The following SNX29 variants were observed in gnomAD, a reference collection of about 807,000 sequenced individuals.
SNX29 encodes sorting nexin-29.
A neutral mutation model predicts 102.1 loss-of-function variants in SNX29; 78 were observed. The observed-to-expected ratio is 0.76, with a 90% CI of 0.64 to 0.92. The LOEUF is 0.92. Among genes scored for constraint, SNX29 ranks in the 40% least tolerant of loss-of-function variants. The pLI, the probability that SNX29 is intolerant of heterozygous loss-of-function variation, is 0.00. For missense variants in SNX29, 1,280 were observed against 1,061.7 expected (o/e 1.21, Z -2.86); for synonymous variants, 580 against 414.5 (o/e 1.40, Z -4.85).
At chr16:12,442,295 C>CA (rs2085842858) in intron 18 of SNX29, among the ~76,000 whole-genome samples, 1 of 152,210 alleles carries the variant, frequency 6.6e-6, no homozygotes, top group Non-Finnish European at 1.5e-5. Context: ...GTCCTTCTGA[C>CA]AGTGTCACTC....
chr16:12,150,106 T>C (rs1326688548), intron 13 of SNX29, among the ~76,000 whole-genome samples: 3 of 152,130 alleles, frequency 2.0e-5, no homozygotes, highest in Non-Finnish European at 4.4e-5. Context: ...CTGTGGATAG[T>C]GGGCAACTAT....
At chr16:12,504,288 C>A (rs1418218438) in intron 19 of SNX29, among the ~76,000 whole-genome samples, 1 of 152,154 alleles carries the variant, frequency 6.6e-6, no homozygotes, top group Non-Finnish European at 1.5e-5. Flanking sequence ...TTTAAAGTCT[C>A]AAATTCAGTG....
At chr16:12,267,605 C>T (rs548545032) in intron 14 of SNX29, among the ~76,000 whole-genome samples, 1 of 152,298 alleles carries the variant, frequency 6.6e-6, no homozygotes, top group South Asian at 2.1e-4. Flanking sequence ...CCTCATCCTG[C>T]AGGAGCAGCC....
chr16:12,068,565 A>G (rs11641533), intron 9 of SNX29, among the ~76,000 whole-genome samples: 48,198 of 150,954 alleles, frequency 0.32, 7,788 homozygotes, highest in African/African-American at 0.38. Flanking sequence ...AAAATTTTTA[A>G]TGGAGCTTCG....
Position 12,449,803 on chromosome 16 carries a change from C to T in SNX29, c.2038-27916C>T, listed in dbSNP as rs149283070. On this transcript the variant is annotated intron_variant, in intron 18 of 20. Coordinates refer to ENST00000566228, the MANE Select transcript of SNX29 (RefSeq NM_032167.5). ...TTTCCTAAATCCCATTGCTGAAATC[C>T]CTGTCTTTGGTCACAGATGGTGGTG... Among the ~76,000 whole-genome samples the T allele has an allele frequency of 3.0e-3, 451 of 152,294 alleles. 5 individuals carry two copies. Among genetic ancestry groups the T allele is most frequent in the South Asian group, 4.4e-3 (21 of 4,820 alleles).
intron 3 of SNX29, among the ~76,000 whole-genome samples, chr16:12,003,522 T>C (rs1169567316): frequency 6.6e-6 from 1 of 152,196 alleles, no homozygotes. Context: ...AAGGCATATG[T>C]TATAACAAGA....
At chr16:12,443,527 A>C (rs780270568) in intron 18 of SNX29, among the ~76,000 whole-genome samples, 3 of 152,056 alleles carry the variant, frequency 2.0e-5, no homozygotes, top group Admixed American at 6.5e-5. Context: ...ATCTTGGTTC[A>C]CTACAATCTC....
At chr16:12,482,358 G>T (rs1294473282) in intron 19 of SNX29, among the ~76,000 whole-genome samples, 1 of 151,078 alleles carries the variant, frequency 6.6e-6, no homozygotes, top group Non-Finnish European at 1.5e-5. Flanking sequence ...CTAGAGTTCT[G>T]TGATGCAATT....
At chr16:12,314,280 T>A (rs1420936901) in intron 15 of SNX29, among the ~76,000 whole-genome samples, 1 of 152,292 alleles carries the variant, frequency 6.6e-6, no homozygotes, top group East Asian at 1.9e-4. Context: ...ATTACAGGCA[T>A]GAGCCACTGT....
intron 15 of SNX29, among the ~76,000 whole-genome samples, chr16:12,306,252 T>C (rs1314937557): frequency 6.6e-6 from 1 of 152,188 alleles, no homozygotes; most frequent in Non-Finnish European, 1.5e-5. Context: ...CTGTGTACTC[T>C]TAACCACTGT....
At position 12,570,783 on chromosome 16, in the gene SNX29, C is replaced by CAG. The variant is rs3842349; in HGVS notation, c.*2155_*2156dup. 143,037 of 232,256 alleles carry CAG rather than the reference C, an allele frequency of 0.62. 45,028 individuals carry two copies. Among genetic ancestry groups the CAG allele is most frequent in the African/African-American group, 0.74 (33,678 of 45,332 alleles). The allele number at this position is 232,256 out of a possible 1,614,324, so 14.4% of individuals were successfully genotyped here. Reference sequence around the variant, plus strand: ...CATTCTGCACATGATAATAATGCAACAGTCCCCCATTGCTGAGAGATACTA... The same window carrying CAG: ...CATTCTGCACATGATAATAATGCAACAGAGTCCCCCATTGCTGAGAGATACTA... On this transcript the variant is annotated 3_prime_UTR_variant, in exon 21 of 21. Transcript: ENST00000566228.
intron 18 of SNX29, among the ~76,000 whole-genome samples, chr16:12,420,125 T>C (rs924410813): frequency 2.0e-5 from 3 of 152,220 alleles, no homozygotes; most frequent in African/African-American, 7.2e-5. Flanking sequence ...TCCTGGCCTC[T>C]ACCCAGCAGC....
rs1555459856 is a variant in SNX29 at position 12,560,143 on chromosome 16, C to CCCG, written c.2319-8362_2319-8361insCGC. ...CTAGTTCTGTGTTCCCCTCCCCCCC[C>CCCG]CAACAAACAGTAAAGCCTTTCTCAC... On this transcript the variant is annotated intron_variant, in intron 20 of 20. Coordinates refer to ENST00000566228, the MANE Select transcript of SNX29 (RefSeq NM_032167.5). Among the ~76,000 whole-genome samples the CCCG allele has an allele frequency of 3.1e-4, 14 of 45,154 alleles. 1 individual carries two copies. Among genetic ancestry groups the CCCG allele is most frequent in the African/African-American group, 9.2e-4 (14 of 15,180 alleles). The allele number at this position is 45,154 out of a possible 152,430, so 29.6% of individuals were successfully genotyped here.
chr16:12,323,505 G>A (rs1014487145), intron 15 of SNX29, among the ~76,000 whole-genome samples: 1 of 138,066 alleles, frequency 7.2e-6, no homozygotes, highest in Non-Finnish European at 1.6e-5. Context: ...ACTGTAGTCT[G>A]CCTAGAGGTT....
intron 20 of SNX29, among the ~76,000 whole-genome samples, chr16:12,559,305 C>T (rs1025585088): frequency 1.3e-5 from 2 of 151,938 alleles, no homozygotes; most frequent in Non-Finnish European, 2.9e-5. Context: ...GGCATGCAAA[C>T]CCTATTGTGA....
chr16:12,489,153 A>G (rs1325858582), intron 19 of SNX29, among the ~76,000 whole-genome samples: 1 of 152,158 alleles, frequency 6.6e-6, no homozygotes, highest in Non-Finnish European at 1.5e-5. Context: ...TACCCTTTTG[A>G]GTAGTTGGAG....
Position 12,228,644 on chromosome 16 carries a change from C to T in SNX29, c.1678+28961C>T, listed in dbSNP as rs529325685. Among the ~76,000 whole-genome samples, 11 of 152,358 alleles carry T rather than the reference C, an allele frequency of 7.2e-5. 1 individual carries two copies. In the South Asian group the frequency reaches 2.3e-3, roughly 32 times the overall value. On this transcript the variant is annotated intron_variant, in intron 14 of 20. Coordinates refer to ENST00000566228, the MANE Select transcript of SNX29 (RefSeq NM_032167.5). The stretch of plus-strand genomic sequence containing the variant: ...AAACCCTGCCTGACTTGGCCCTGCC[C>T]ACCTTTTCAACCCTGTCTGGTGCGC...
chr16:12,398,219 A>G (rs2151491989), intron 16 of SNX29, among the ~76,000 whole-genome samples: 1 of 152,332 alleles, frequency 6.6e-6, no homozygotes, highest in South Asian at 2.1e-4. Context: ...TCCCTTGGCC[A>G]TAAAGATAAT....
At chr16:12,180,853 C>T (rs2076367838) in intron 13 of SNX29, among the ~76,000 whole-genome samples, 1 of 152,122 alleles carries the variant, frequency 6.6e-6, no homozygotes. Context: ...GGGAGCAGAG[C>T]TCTCTCTCCT....
Sources: gnomAD v4.1 joint callset for allele counts (sites outside exome capture counted in the v4.1 genomes callset) on GRCh38, gnomAD v4.1.1 for gene constraint, MANE v1.5 for transcripts, NCBI Gene and HGNC (gene_info 2026-07-23, HGNC 2026-07-21) for gene names.